Variants in PTPRD observed in about 807,000 individuals in gnomAD.
The protein encoded by PTPRD is protein tyrosine phosphatase receptor type D, also known as receptor-type tyrosine-protein phosphatase delta.
PTPRD carries 34 observed loss-of-function variants against 214.5 expected under a neutral mutation model. The ratio of observed to expected loss-of-function variants is 0.16; its 90% CI spans 0.12 to 0.21. PTPRD has a LOEUF of 0.21. Among genes scored for constraint, PTPRD ranks in the 10% least tolerant of loss-of-function variants. The pLI, the probability that PTPRD is intolerant of heterozygous loss-of-function variation, is 1.00. For synonymous variants in PTPRD, 1,128 were observed against 845.7 expected (o/e 1.33, Z -5.79); for missense variants, 2,545 against 2,398.7 (o/e 1.06, Z -1.27).
At chr9:8,515,384 G>C (rs1011942794) in intron 21 of PTPRD, among the ~76,000 whole-genome samples, 1 of 152,070 alleles carries the variant, frequency 6.6e-6, no homozygotes, top group African/African-American at 2.4e-5. Flanking sequence ...TACATATTAA[G>C]TTACAAAATG....
chr9:9,869,286 A>G (rs1189438943), intron 5 of PTPRD, among the ~76,000 whole-genome samples: 2 of 152,230 alleles, frequency 1.3e-5, no homozygotes, highest in Non-Finnish European at 2.9e-5. Context: ...ACAAATGCAG[A>G]AGAAATGTTG....
chr9:9,319,153 C>A (rs1267025068), intron 9 of PTPRD, among the ~76,000 whole-genome samples: 1 of 152,162 alleles, frequency 6.6e-6, no homozygotes, highest in Non-Finnish European at 1.5e-5. Context: ...TCAGCAGTGG[C>A]ACGGGGTGAA....
At chr9:8,579,741 A>C (rs1594393647) in intron 14 of PTPRD, among the ~76,000 whole-genome samples, 3 of 152,350 alleles carry the variant, frequency 2.0e-5, no homozygotes, top group African/African-American at 7.2e-5. Context: ...GGAAAGATTT[A>C]TCAGGTGTTG....
intron 35 of PTPRD, among the ~76,000 whole-genome samples, chr9:8,412,370 T>G (rs180774244): frequency 6.6e-6 from 1 of 152,346 alleles, no homozygotes; most frequent in East Asian, 1.9e-4. Context: ...TGTGCAGCAT[T>G]AAACACTAAT....
intron 8 of PTPRD, among the ~76,000 whole-genome samples, chr9:9,412,538 T>G (rs1362074012): frequency 1.3e-5 from 2 of 152,080 alleles, no homozygotes; most frequent in African/African-American, 4.8e-5. Context: ...TTCCTACAGT[T>G]ACTTTCCCAG....
chr9:8,435,230 G>A (rs1450605570), intron 35 of PTPRD, among the ~76,000 whole-genome samples: 1 of 152,150 alleles, frequency 6.6e-6, no homozygotes, highest in Admixed American at 6.5e-5. Context: ...TTTTGGGAAG[G>A]CCATGCCACA....
intron 7 of PTPRD, among the ~76,000 whole-genome samples, chr9:9,617,351 C>T (rs956972191): frequency 2.0e-5 from 3 of 151,934 alleles, no homozygotes; most frequent in Non-Finnish European, 4.4e-5. Flanking sequence ...GATAATGTAC[C>T]AACAGAAGAG....
At position 9,017,627 on chromosome 9, in the gene PTPRD, T is replaced by C. The variant is rs541249822; in HGVS notation, c.-104+1070A>G. ...AGTTTAGAACACTAGTAAGGAAACTTGAAATAAATCAAGAAACATTTTCTT... is the reference window on the plus strand; with the variant it reads ...AGTTTAGAACACTAGTAAGGAAACTCGAAATAAATCAAGAAACATTTTCTT... On this transcript the variant is annotated intron_variant, in intron 11 of 45. Transcript: ENST00000381196. Among the ~76,000 whole-genome samples, 10 of 152,286 alleles carry C rather than the reference T, an allele frequency of 6.6e-5. No homozygotes were observed. The South Asian group carries it at 2.1e-3, about 32-fold the overall frequency.
At chr9:9,392,751 C>A (rs2066314487) in intron 9 of PTPRD, among the ~76,000 whole-genome samples, 1 of 152,052 alleles carries the variant, frequency 6.6e-6, no homozygotes, top group African/African-American at 2.4e-5. Context: ...TGGAATAAGC[C>A]CAGGTCAAAT....
chr9:9,953,503 C>CACAA (rs909259484), intron 4 of PTPRD, among the ~76,000 whole-genome samples: 11 of 151,780 alleles, frequency 7.2e-5, no homozygotes, highest in African/African-American at 2.4e-4. Flanking sequence ...GACACACACA[C>CACAA]ACACACACAC....
At position 10,558,911 on chromosome 9, in the gene PTPRD, T is replaced by G. The variant is rs899358483; in HGVS notation, c.-600+53487A>C. ...ATTGCAACTCTTTTCACACATCTTG[T>G]TAGGAATTATGTTTTAAAAGGTATG... On this transcript the variant is annotated intron_variant, in intron 2 of 45. Transcript: ENST00000381196. Among the ~76,000 whole-genome samples the G allele has an allele frequency of 2.0e-5, 3 of 152,162 alleles. No homozygotes were observed. In the East Asian group the frequency reaches 5.8e-4, roughly 29 times the overall value.
chr9:8,665,250 C>T (rs951626884), intron 12 of PTPRD, among the ~76,000 whole-genome samples: 5 of 152,118 alleles, frequency 3.3e-5, no homozygotes, highest in African/African-American at 1.2e-4. Context: ...ATTGTGTCCC[C>T]ACGAAAATGC....
chr9:8,467,654 A>C (rs2096569873), intron 31 of PTPRD, among the ~76,000 whole-genome samples: 1 of 151,894 alleles, frequency 6.6e-6, no homozygotes, highest in African/African-American at 2.4e-5. Context: ...AGGAAATATA[A>C]TGTTTAAGCT....
intron 8 of PTPRD, among the ~76,000 whole-genome samples, chr9:9,565,118 C>T (rs1380140861): frequency 6.6e-6 from 1 of 151,518 alleles, no homozygotes; most frequent in Non-Finnish European, 1.5e-5. Context: ...TTTATTAAAA[C>T]TTACTAATAT....
chr9:8,624,950 G>C lies in PTPRD; in HGVS notation c.352+8367C>G, dbSNP rs115927088. Among the ~76,000 whole-genome samples, 703 of 151,680 alleles carry C rather than the reference G, an allele frequency of 4.6e-3. 6 individuals carry two copies. Among genetic ancestry groups the C allele is most frequent in the African/African-American group, 0.016 (672 of 41,424 alleles). On this transcript the variant is annotated intron_variant, in intron 14 of 45. Coordinates refer to ENST00000381196, the MANE Select transcript of PTPRD (RefSeq NM_002839.4). ...AGTAAGACTCATTCTTACCCAAATGGTCTCTTAATGCATTGTATCTACATA... is the reference window on the plus strand; with the variant it reads ...AGTAAGACTCATTCTTACCCAAATGCTCTCTTAATGCATTGTATCTACATA...
intron 3 of PTPRD, among the ~76,000 whole-genome samples, chr9:10,279,098 G>A (rs181453435): frequency 5.9e-5 from 9 of 151,960 alleles, no homozygotes; most frequent in East Asian, 5.8e-4. Flanking sequence ...AGTTTTTAAC[G>A]GAACTCTGCC....
intron 11 of PTPRD, among the ~76,000 whole-genome samples, chr9:8,955,612 T>C: frequency 6.6e-6 from 1 of 151,518 alleles, no homozygotes; most frequent in East Asian, 1.9e-4. Flanking sequence ...ATTTCTGTTT[T>C]TTATTTTTTA....
rs115743017 is a variant in PTPRD, at chr9:10,022,559, A to G, written c.-472+11159T>C. On this transcript the variant is annotated intron_variant, in intron 4 of 45. Coordinates refer to ENST00000381196, the MANE Select transcript of PTPRD (RefSeq NM_002839.4). The stretch of plus-strand genomic sequence containing the variant: ...GTAATGGCATTACATTTCAGCAAGT[A>G]ACTGGAAAGAAAATAAGGCCAAAAG... Among the ~76,000 whole-genome samples the G allele has an allele frequency of 6.9e-3, 1,045 of 152,344 alleles. 6 individuals carry two copies. The highest frequency in any genetic ancestry group is 0.023 in the African/African-American group (966 of 41,578).
At chr9:10,347,160 C>A (rs2154449250) in intron 2 of PTPRD, among the ~76,000 whole-genome samples, 1 of 152,272 alleles carries the variant, frequency 6.6e-6, no homozygotes. Context: ...CTTCTTTTCT[C>A]ATTCCTCTCT....
Sources: gnomAD v4.1 joint callset for allele counts (sites outside exome capture counted in the v4.1 genomes callset) on GRCh38, gnomAD v4.1.1 for gene constraint, MANE v1.5 for transcripts, NCBI Gene and HGNC (gene_info 2026-07-23, HGNC 2026-07-21) for gene names.